KDM4C: variants seen among roughly 807,000 people sequenced by gnomAD.
KDM4C encodes the protein lysine demethylase 4C.
Under a neutral mutation model 129.3 loss-of-function variants are expected in KDM4C, and 81 were observed. That is an observed-to-expected ratio of 0.63 (90% CI 0.52 to 0.75). The LOEUF is 0.75. KDM4C is among the 30% of genes least tolerant of loss of function. KDM4C has a pLI of 0.00. For synonymous variants in KDM4C, 573 were observed against 456.1 expected (o/e 1.26, Z -3.26); for missense variants, 1,457 against 1,304.0 (o/e 1.12, Z -1.81).
At chr9:6,938,206 T>C (rs888403554) in intron 8 of KDM4C, among the ~76,000 whole-genome samples, 1 of 151,976 alleles carries the variant, frequency 6.6e-6, no homozygotes, top group African/African-American at 2.4e-5. Context: ...TAATATTTAA[T>C]ATATAGATAT....
At chr9:6,854,417 C>T (rs1381769620) in intron 5 of KDM4C, among the ~76,000 whole-genome samples, 4 of 148,446 alleles carry the variant, frequency 2.7e-5, no homozygotes, top group Non-Finnish European at 3.0e-5. Context: ...CCCAGCTACT[C>T]GGGAGACTGA....
intron 4 of KDM4C, among the ~76,000 whole-genome samples, chr9:6,844,980 G>A (rs1171279153): frequency 2.0e-5 from 3 of 152,138 alleles, no homozygotes; most frequent in Admixed American, 1.3e-4. Context: ...GTGCCACTGC[G>A]CCCAGCCTAG....
chr9:7,097,905 A>G (rs1836635924), intron 17 of KDM4C, among the ~76,000 whole-genome samples: 1 of 152,262 alleles, frequency 6.6e-6, no homozygotes, highest in South Asian at 2.1e-4. Context: ...TTAATACATT[A>G]TACGCATTAA....
At chr9:6,965,454 G>A (rs905164408) in intron 8 of KDM4C, among the ~76,000 whole-genome samples, 1 of 152,102 alleles carries the variant, frequency 6.6e-6, no homozygotes, top group South Asian at 2.1e-4. Flanking sequence ...GGGTTCTCCA[G>A]ACTAACAATA....
chr9:7,017,089 C>A (rs1823837903), intron 15 of KDM4C, among the ~76,000 whole-genome samples: 1 of 152,112 alleles, frequency 6.6e-6, no homozygotes, highest in Non-Finnish European at 1.5e-5. Flanking sequence ...GCATGCGCCA[C>A]CATGCCTGGG....
chr9:6,945,069 C>G (rs1023215155), intron 8 of KDM4C, among the ~76,000 whole-genome samples: 6 of 152,052 alleles, frequency 3.9e-5, no homozygotes, highest in Non-Finnish European at 5.9e-5. Context: ...CTCCTTCTCA[C>G]TCTCTTTCTT....
intron 18 of KDM4C, among the ~76,000 whole-genome samples, chr9:7,108,490 G>A (rs942930422): frequency 4.6e-5 from 7 of 152,128 alleles, no homozygotes; most frequent in Non-Finnish European, 7.4e-5. Flanking sequence ...AACTGCCTTG[G>A]CCTCCCAAAG....
chr9:7,161,876 C>T (rs1843836013), intron 19 of KDM4C, among the ~76,000 whole-genome samples: 1 of 152,172 alleles, frequency 6.6e-6, no homozygotes, highest in African/African-American at 2.4e-5. Flanking sequence ...ATTTATACCC[C>T]ACATAGTCAT....
At chr9:6,939,980 T>TCCTA (rs1825590330) in intron 8 of KDM4C, among the ~76,000 whole-genome samples, 1 of 82,740 alleles carries the variant, frequency 1.2e-5, no homozygotes, top group African/African-American at 4.5e-5. Context: ...CTACCTACCT[T>TCCTA]CCTTCCTTCC....
intron 8 of KDM4C, among the ~76,000 whole-genome samples, chr9:6,965,926 C>G (rs1830883034): frequency 6.6e-6 from 1 of 152,166 alleles, no homozygotes; most frequent in Non-Finnish European, 1.5e-5. Context: ...ATAAAATTAA[C>G]CATCACAATA....
chr9:7,108,359 C>T lies in KDM4C; in HGVS notation c.2610+4489C>T, dbSNP rs893247333. Among the ~76,000 whole-genome samples the T allele has an allele frequency of 2.6e-5, 4 of 152,136 alleles. No homozygotes were observed. In the East Asian group the frequency reaches 5.8e-4, roughly 22 times the overall value. On this transcript the variant is annotated intron_variant, in intron 18 of 21. Transcript: ENST00000381309. ...TCAAGTGATCCTCCCACCTTTGCCT[C>T]CCAAGTAGCTGGGACTACAGGTGTG...
At chr9:6,903,918 A>T (rs986722773) in intron 8 of KDM4C, among the ~76,000 whole-genome samples, 1 of 152,170 alleles carries the variant, frequency 6.6e-6, no homozygotes, top group African/African-American at 2.4e-5. Flanking sequence ...TTATTTTGCC[A>T]TGTCTTTAAT....
chr9:7,040,827 T>C (rs1247993209), intron 15 of KDM4C, among the ~76,000 whole-genome samples: 1 of 151,956 alleles, frequency 6.6e-6, no homozygotes, highest in Non-Finnish European at 1.5e-5. Flanking sequence ...TTTTATTTGG[T>C]TTCCAGAATT....
chr9:7,023,579 TA>T (rs1204764992), intron 15 of KDM4C, among the ~76,000 whole-genome samples: 1 of 152,086 alleles, frequency 6.6e-6, no homozygotes, highest in East Asian at 1.9e-4. Flanking sequence ...TCTTTCTTTT[TA>T]AAAAACATCT....
chr9:6,764,881 C>G (rs570845352), intron 1 of KDM4C, among the ~76,000 whole-genome samples: 1 of 152,202 alleles, frequency 6.6e-6, no homozygotes, highest in Non-Finnish European at 1.5e-5. Flanking sequence ...CCTCTCAGCT[C>G]TGCTTCTCTG....
intron 8 of KDM4C, among the ~76,000 whole-genome samples, chr9:6,940,118 G>C (rs1419807428): frequency 6.8e-6 from 1 of 148,024 alleles, no homozygotes; most frequent in East Asian, 2.0e-4. Flanking sequence ...TTTCAACAGG[G>C]TCCCACTCTG....
chr9:6,732,190 C>T (rs1382678342), intron 1 of KDM4C, among the ~76,000 whole-genome samples: 1 of 150,972 alleles, frequency 6.6e-6, no homozygotes, highest in African/African-American at 2.4e-5. Flanking sequence ...CACAGTGAAA[C>T]CCCATCTTTA....
rs200053061 is a variant in KDM4C at position 6,878,177 on chromosome 9, TG to T, written c.630-1832del. ...TTCAGTTTGAGGATTTAGTTCTACT[TG>T]GGAAATATTACATGTCTTCCGTGTA... On this transcript the variant is annotated intron_variant, in intron 5 of 21. Transcript: ENST00000381309. Among the ~76,000 whole-genome samples the T allele has an allele frequency of 9.4e-3, 1,437 of 152,308 alleles. 30 individuals carry two copies. Among genetic ancestry groups the T allele is most frequent in the African/African-American group, 0.033 (1,380 of 41,570 alleles).
chr9:6,726,219 CG>C (rs1324430542), intron 1 of KDM4C, among the ~76,000 whole-genome samples: 2 of 152,080 alleles, frequency 1.3e-5, no homozygotes, highest in Non-Finnish European at 2.9e-5. Context: ...CCACCACAAC[CG>C]GCCAGATTCT....
Sources: allele counts gnomAD v4.1 joint callset (sites outside exome capture counted in the v4.1 genomes callset), GRCh38; gene constraint gnomAD v4.1.1; transcripts MANE v1.5; gene names NCBI Gene and HGNC (gene_info 2026-07-23, HGNC 2026-07-21).